The following CLYBL variants were observed in gnomAD, a reference collection of about 807,000 sequenced individuals.
CLYBL encodes citramalyl-CoA lyase, also known as citramalyl-CoA lyase, mitochondrial.
CLYBL carries 31 observed loss-of-function variants against 38.9 expected under a neutral mutation model. That is an observed-to-expected ratio of 0.80 (90% CI 0.60 to 1.08). The LOEUF is 1.08. Ranked by LOEUF, CLYBL falls within the 50% of genes least tolerant of loss-of-function variation. The probability of loss-of-function intolerance (pLI) is 0.00; values close to 1 mark genes in which losing one functional copy is unlikely to be tolerated. For synonymous variants in CLYBL, 171 were observed against 158.6 expected (o/e 1.08, Z -0.59); for missense variants, 434 against 411.6 (o/e 1.05, Z -0.47).
chr13:99,661,886 C>T (rs1309347166), intron 1 of CLYBL, among the ~76,000 whole-genome samples: 1 of 152,170 alleles, frequency 6.6e-6, no homozygotes, highest in African/African-American at 2.4e-5. Flanking sequence ...AGCACAATAG[C>T]CTGTCAGCCT....
chr13:99,845,719 G>A (rs181326005), intron 2 of CLYBL, among the ~76,000 whole-genome samples: 6 of 152,268 alleles, frequency 3.9e-5, no homozygotes, highest in Admixed American at 3.9e-4. Flanking sequence ...GACAGGCTGC[G>A]AAGAGAAGCC....
intron 1 of CLYBL, among the ~76,000 whole-genome samples, chr13:99,625,728 C>T (rs2046860014): frequency 6.6e-6 from 1 of 152,180 alleles, no homozygotes; most frequent in African/African-American, 2.4e-5. Flanking sequence ...AAGTAAGAGG[C>T]ACCTATGGCA....
At chr13:99,842,737 A>T (rs1284002464) in intron 2 of CLYBL, among the ~76,000 whole-genome samples, 2 of 151,540 alleles carry the variant, frequency 1.3e-5, no homozygotes, top group Non-Finnish European at 2.9e-5. Context: ...ATTTTAGTTT[A>T]CATGTTAAAA....
intron 1 of CLYBL, among the ~76,000 whole-genome samples, chr13:99,742,135 C>A (rs910971044): frequency 9.2e-5 from 14 of 152,154 alleles, no homozygotes; most frequent in Admixed American, 7.9e-4. Flanking sequence ...CTAATTTGTA[C>A]CTTGGAACGT....
intron 1 of CLYBL, among the ~76,000 whole-genome samples, chr13:99,755,128 A>G (rs1213146802): frequency 2.0e-5 from 3 of 151,636 alleles, no homozygotes; most frequent in Non-Finnish European, 4.4e-5. Context: ...CGCTCTCCTG[A>G]CCTCGTGATC....
At chr13:99,685,683 C>T (rs560199794) in intron 1 of CLYBL, among the ~76,000 whole-genome samples, 14 of 152,166 alleles carry the variant, frequency 9.2e-5, no homozygotes, top group Admixed American at 2.6e-4. Flanking sequence ...TCTTAGAGGC[C>T]GGGCACGGTG....
chr13:99,870,989 C>A lies in CLYBL; in HGVS notation c.854C>A (p.Ser285Tyr). Residue 285 changes from serine (S) to tyrosine (Y), a missense_variant, in exon 7 of 9, where the codon TCT becomes TAT. Coordinates refer to ENST00000339105, the MANE Select transcript of CLYBL (RefSeq NM_206808.5). ...ATTGCCGTGGTCCAGGAGCAGTTTT[C>A]TCCTTCCCCTGAAAAAATTAAGTGG... ...NQIAVVQEQF[S>Y]PSPEKIKWAE... is the part of the protein sequence containing the mutation. The A allele has an allele frequency of 1.2e-6, 2 of 1,613,778 alleles. No individual in the cohort carries two copies. Among genetic ancestry groups the A allele is most frequent in the Non-Finnish European group, 1.7e-6 (2 of 1,179,826 alleles).
chr13:99,745,854 C>T (rs1462252765), intron 1 of CLYBL, among the ~76,000 whole-genome samples: 1 of 147,860 alleles, frequency 6.8e-6, no homozygotes, highest in Non-Finnish European at 1.5e-5. Flanking sequence ...CAAAAATGTA[C>T]AAATCAGAAT....
rs78499162 is a variant in CLYBL, at chr13:99,732,477, G to T, written c.63-40347G>T. Among the ~76,000 whole-genome samples the T allele has an allele frequency of 2.0e-3, 297 of 152,234 alleles. 3 individuals carry two copies. In the East Asian group the frequency reaches 0.038, roughly 20 times the overall value. ...TTACAGGTGTGAGCCACTGTGCCTG[G>T]CCTATTTTAAAGGTGTTTTTTCTTT... On this transcript the variant is annotated intron_variant, in intron 1 of 8. Transcript: ENST00000339105.
chr13:99,888,047 G>A (rs1475115780), intron 7 of CLYBL, among the ~76,000 whole-genome samples: 3 of 152,064 alleles, frequency 2.0e-5, no homozygotes, highest in Admixed American at 2.0e-4. Context: ...GTAGAGACAG[G>A]GTTTCACCAT....
At chr13:99,691,477 G>A (rs554858473) in intron 1 of CLYBL, among the ~76,000 whole-genome samples, 2 of 151,942 alleles carry the variant, frequency 1.3e-5, no homozygotes, top group South Asian at 2.1e-4. Context: ...AGGGAACGAC[G>A]TTTAAAAACC....
At chr13:99,638,156 C>A (rs1199315470) in intron 1 of CLYBL, among the ~76,000 whole-genome samples, 3 of 151,946 alleles carry the variant, frequency 2.0e-5, no homozygotes, top group African/African-American at 7.3e-5. Flanking sequence ...AGATGTCTCC[C>A]CATGTTGCCC....
chr13:99,667,559 A>G (rs1334522094), intron 1 of CLYBL, among the ~76,000 whole-genome samples: 1 of 151,678 alleles, frequency 6.6e-6, no homozygotes, highest in African/African-American at 2.4e-5. Context: ...GGAATGTGTC[A>G]ACTGGCCTCA....
chr13:99,867,510 T>C (rs1186441314), intron 6 of CLYBL, among the ~76,000 whole-genome samples: 1 of 152,098 alleles, frequency 6.6e-6, no homozygotes, highest in Non-Finnish European at 1.5e-5. Context: ...CCCCCCCCAA[T>C]TTTTTAAATA....
At chr13:99,846,105 G>A (rs985388273) in intron 2 of CLYBL, among the ~76,000 whole-genome samples, 16 of 151,952 alleles carry the variant, frequency 1.1e-4, no homozygotes, top group Admixed American at 3.3e-4. Flanking sequence ...CCTGTGAATA[G>A]CCACTGCACT....
chr13:99,897,307 C>T (rs966142788), downstream of CLYBL, among the ~76,000 whole-genome samples: 1 of 152,168 alleles, frequency 6.6e-6, no homozygotes, highest in African/African-American at 2.4e-5. Context: ...TGCAGAGAGA[C>T]ACACTCCATC....
At chr13:99,763,498 C>T (rs768383294) in intron 1 of CLYBL, among the ~76,000 whole-genome samples, 4 of 150,082 alleles carry the variant, frequency 2.7e-5, no homozygotes, top group African/African-American at 9.8e-5. Flanking sequence ...GGATCATCCT[C>T]GCATCCCTGG....
At chr13:99,694,040 A>G (rs1232637189) in intron 1 of CLYBL, among the ~76,000 whole-genome samples, 1 of 152,208 alleles carries the variant, frequency 6.6e-6, no homozygotes, top group Non-Finnish European at 1.5e-5. Context: ...TGTTAATGCA[A>G]TAAACTGTAA....
chr13:99,885,726 G>T (rs1226680632), intron 7 of CLYBL, among the ~76,000 whole-genome samples: 1 of 152,160 alleles, frequency 6.6e-6, no homozygotes, highest in East Asian at 1.9e-4. Context: ...GGAACCAAGG[G>T]CACACGAGGG....
Sources: allele counts gnomAD v4.1 joint callset (sites outside exome capture counted in the v4.1 genomes callset), GRCh38; gene constraint gnomAD v4.1.1; transcripts MANE v1.5; gene names NCBI Gene and HGNC (gene_info 2026-07-23, HGNC 2026-07-21).